The following PRDM10 variants were observed in gnomAD, a reference collection of about 807,000 sequenced individuals.
PRDM10 encodes PR domain zinc finger protein 10.
In PRDM10, 65 loss-of-function variants were observed where a neutral mutation model predicts 133.1. The ratio of observed to expected loss-of-function variants is 0.49; its 90% confidence interval spans 0.40 to 0.60. The LOEUF (loss-of-function observed/expected upper bound fraction) is 0.60. PRDM10 is among the 20% of genes least tolerant of loss of function. The pLI is 0.00. For synonymous variants in PRDM10, 582 were observed against 580.4 expected, an observed-to-expected ratio of 1.00 and a Z score of -0.04; for missense variants, 1,137 against 1,507.1, an observed-to-expected ratio of 0.75 and a Z score of 4.07.
rs776743985 is a variant in PRDM10 at position 129,944,882 on chromosome 11, A to G, written c.651T>C (p.Phe217=). 5.6e-6 allele frequency: 9 copies of G among 1,614,042 alleles called. No individual in the cohort carries two copies. The highest frequency in any genetic ancestry group is 7.6e-6 in the Non-Finnish European group (9 of 1,180,040). The change falls in exon 6 of 21, where the codon TTT becomes TTC. Residue 217 remains phenylalanine (F), a synonymous_variant. Transcript: ENST00000360871. ...GCCGCTTGGAGAACACCCCGCCCAGAAACCTGTCTATGTAGAGCACCAGGG... is the reference window on the plus strand; with the variant it reads ...GCCGCTTGGAGAACACCCCGCCCAGGAACCTGTCTATGTAGAGCACCAGGG... The part of the protein sequence containing the change: ...SLPLVLYIDR[F]LGGVFSKRRI...
At chr11:129,971,677 G>C (rs1464658566) in intron 1 of PRDM10, among the ~76,000 whole-genome samples, 1 of 152,144 alleles carries the variant, frequency 6.6e-6, no homozygotes, top group Non-Finnish European at 1.5e-5. Context: ...CCCTGAGCTA[G>C]ACATAGGGTG....
At chr11:129,999,008 A>C (rs539076817) in intron 1 of PRDM10, among the ~76,000 whole-genome samples, 126 of 152,020 alleles carry the variant, frequency 8.3e-4, no homozygotes, top group Admixed American at 3.7e-3. Flanking sequence ...TTTTTAGTAG[A>C]GGCAGAGTTT....
chr11:129,948,515 C>T (rs1266732009), intron 4 of PRDM10, among the ~76,000 whole-genome samples: 1 of 152,146 alleles, frequency 6.6e-6, no homozygotes, highest in Non-Finnish European at 1.5e-5. Context: ...TAGAATCCCA[C>T]TCCACAACAG....
In PRDM10 at chr11:129,910,569, C is replaced by T; in HGVS notation, c.3070G>A (p.Gly1024Arg). Residue 1024 changes from glycine to arginine, a missense_variant, in exon 19 of 21, where the codon GGG becomes AGG. Around this residue, in one of 6 missense-constraint regions of PRDM10, gnomAD observed 243 missense variants for 259.2 expected, o/e 0.94. Transcript: ENST00000360871. ...TGCTGCTGCTGCTGCAGAGCCTGCCCCTGTGTGGAAGAACTGCCCTGGATG... is the reference window on the plus strand; with the variant it reads ...TGCTGCTGCTGCTGCAGAGCCTGCCTCTGTGTGGAAGAACTGCCCTGGATG... The part of the protein sequence containing the change: ...SHIQGSSSTQ[G>R]QALQQQQQQQ... 1 of 1,613,930 alleles carries T rather than the reference C, an allele frequency of 6.2e-7. No individual in the cohort carries two copies. The highest frequency in any genetic ancestry group is 1.1e-5 in the South Asian group (1 of 91,072).
In PRDM10 at chr11:129,899,980, A is replaced by G. The variant is rs1949800357; in HGVS notation, c.*2333T>C. 1 of 152,654 alleles carries G rather than the reference A, an allele frequency of 6.6e-6. No homozygotes were observed. Among genetic ancestry groups the G allele is most frequent in the African/African-American group, 2.4e-5 (1 of 41,458 alleles). The allele number at this position is 152,654 out of a possible 1,614,324, so 9.5% of individuals were successfully genotyped here. A position where few individuals can be genotyped will look rare whatever the true frequency, so the allele number is the denominator to read the frequency against. On this transcript the variant is annotated 3_prime_UTR_variant, in exon 21 of 21. Coordinates refer to ENST00000360871, the MANE Select transcript of PRDM10 (RefSeq NM_199437.2). The stretch of plus-strand genomic sequence containing the variant: ...GATCAAAACAATAGGTTTTTCCAGA[A>G]TAACAGGAATTTTACATGATGAAAT...
At chr11:129,936,058 T>C (rs2135834225) in intron 8 of PRDM10, among the ~76,000 whole-genome samples, 1 of 152,294 alleles carries the variant, frequency 6.6e-6, no homozygotes, top group African/African-American at 2.4e-5. Context: ...AAGGGGGAGC[T>C]GGCAGTCAAG....
intron 1 of PRDM10, among the ~76,000 whole-genome samples, chr11:129,973,377 G>A (rs760629423): frequency 3.9e-5 from 6 of 152,228 alleles, no homozygotes; most frequent in Non-Finnish European, 7.3e-5. Flanking sequence ...GGAAACCAAT[G>A]AGGTAAGAGG....
At chr11:129,951,783 A>G (rs918263792) in intron 4 of PRDM10, among the ~76,000 whole-genome samples, 1 of 152,180 alleles carries the variant, frequency 6.6e-6, no homozygotes, top group Non-Finnish European at 1.5e-5. Context: ...GTTCATTTTC[A>G]AAAACAAAGA....
At chr11:129,980,878 T>G (rs914048154) in intron 1 of PRDM10, among the ~76,000 whole-genome samples, 2 of 145,622 alleles carry the variant, frequency 1.4e-5, no homozygotes, top group Non-Finnish European at 1.5e-5. Context: ...TTTTTTTTTT[T>G]TTTTTTTTTT....
intron 1 of PRDM10, among the ~76,000 whole-genome samples, chr11:129,973,148 T>A (rs1937609016): frequency 6.6e-6 from 1 of 152,174 alleles, no homozygotes; most frequent in African/African-American, 2.4e-5. Context: ...AAGCTCCGAA[T>A]AACAACCACA....
At chr11:129,903,601 G>A (rs1949915059) in intron 20 of PRDM10, among the ~76,000 whole-genome samples, 2 of 152,102 alleles carry the variant, frequency 1.3e-5, no homozygotes, top group African/African-American at 2.4e-5. Context: ...TGTGTCTGTC[G>A]GTCAGAAGGA....
At chr11:129,942,329 T>G in intron 7 of PRDM10, 97 bp downstream of exon 7, 1 of 1,304,134 alleles carries the variant, frequency 7.7e-7, no homozygotes, top group Non-Finnish European at 1.1e-6. Flanking sequence ...TCCCCCTTTT[T>G]TGTTAAACAA....
At chr11:129,948,098 A>G (rs1951479021) in intron 4 of PRDM10, 1 of 456,586 alleles carries the variant, frequency 2.2e-6, no homozygotes, top group African/African-American at 2.0e-5. Flanking sequence ...ATCATGCTGA[A>G]GTCAGTCTCC....
chr11:129,991,817 CAAAAA>C (rs71057994), intron 1 of PRDM10, among the ~76,000 whole-genome samples: 1 of 94,294 alleles, frequency 1.1e-5, no homozygotes. Flanking sequence ...GACTCCATCT[CAAAAA>C]AAAAAAAAAA....
At chr11:129,996,675 A>C (rs1314893707) in intron 1 of PRDM10, among the ~76,000 whole-genome samples, 1 of 152,202 alleles carries the variant, frequency 6.6e-6, no homozygotes, top group African/African-American at 2.4e-5. Context: ...AGAGGAAGAA[A>C]CATTCCACTT....
At chr11:129,904,305 T>C (rs12363776) in intron 20 of PRDM10, among the ~76,000 whole-genome samples, 46,392 of 151,864 alleles carry the variant, frequency 0.31, 7,650 homozygotes, top group East Asian at 0.53. Flanking sequence ...TTTTTTTTCC[T>C]TCTAGCTTTA....
chr11:129,925,934 C>A (rs148405996), intron 11 of PRDM10, among the ~76,000 whole-genome samples: 2 of 152,250 alleles, frequency 1.3e-5, no homozygotes, highest in Non-Finnish European at 2.9e-5. Context: ...ACGAGAATTT[C>A]TTGAAAGGAT....
At chr11:129,983,838 C>T (rs931511469) in intron 1 of PRDM10, among the ~76,000 whole-genome samples, 2 of 152,108 alleles carry the variant, frequency 1.3e-5, no homozygotes, top group Non-Finnish European at 2.9e-5. Context: ...ATGAACATTG[C>T]TATTGAATCA....
Position 129,974,717 on chromosome 11 carries a change from G to A in PRDM10, c.-118-13635C>T, listed in dbSNP as rs183455094. On this transcript the variant is annotated intron_variant, in intron 1 of 20. Coordinates refer to ENST00000360871, the MANE Select transcript of PRDM10 (RefSeq NM_199437.2). ...CGCCCACCATTCTCAGACGCCTGAA[G>A]ACACGAACGGCACCTCAATAAAGTA... Among the ~76,000 whole-genome samples, 112 of 152,298 alleles carry A rather than the reference G, an allele frequency of 7.4e-4. 1 individual carries two copies. The highest frequency in any genetic ancestry group is 2.7e-3 in the African/African-American group (111 of 41,564).
Sources: gnomAD v4.1 joint callset for allele counts (sites outside exome capture counted in the v4.1 genomes callset) on GRCh38, gnomAD v4.1.1 for gene constraint, gnomAD v4.1.1 regional missense constraint, MANE v1.5 for transcripts, NCBI Gene and HGNC (gene_info 2026-07-23, HGNC 2026-07-21) for gene names.